Variants in CSRNP3 observed in about 807,000 individuals in gnomAD.
The protein encoded by CSRNP3 is cysteine and serine rich nuclear protein 3.
In CSRNP3, 12 loss-of-function variants were observed where a neutral mutation model predicts 48.0. The ratio of observed to expected loss-of-function variants is 0.25; its 90% CI spans 0.16 to 0.41. CSRNP3 has a LOEUF of 0.41. CSRNP3 is among the 10% of genes least tolerant of loss of function. The probability of loss-of-function intolerance (pLI) is 1.00; values close to 1 mark genes in which losing one functional copy is unlikely to be tolerated. For synonymous variants in CSRNP3, 263 were observed against 269.7 expected (o/e 0.98, Z 0.24); for missense variants, 580 against 724.4 (o/e 0.80, Z 2.29).
In CSRNP3 at chr2:165,681,355, A is replaced by G. The variant is rs1160106158; in HGVS notation, c.*1602A>G. 1 of 151,912 alleles carries G rather than the reference A, an allele frequency of 6.6e-6. No homozygotes were observed. Among genetic ancestry groups the G allele is most frequent in the Admixed American group, 6.6e-5 (1 of 15,234 alleles). 9.4% of individuals were successfully genotyped at this position (151,912 alleles called of 1,614,324 possible). A position where few individuals can be genotyped will look rare whatever the true frequency, so the allele number is the denominator to read the frequency against. ...GTGACTGCATCGCTACTTATTTTTT[A>G]TGTCTTTTAGACTTGGGTGTTTAGA... On this transcript the variant is annotated 3_prime_UTR_variant, in exon 7 of 7. Transcript: ENST00000651982.
rs957235965 is a variant in CSRNP3 at position 165,615,888 on chromosome 2, G to GTT, written c.148+20699_148+20700dup. On this transcript the variant is annotated intron_variant, in intron 4 of 6. Transcript: ENST00000651982. Reference sequence around the variant, plus strand: ...ACCATATCTGGCTAATGTTTGTGGGGTTTTTTTTTTTTTTTTTTTTTTTTT... The same window carrying GTT: ...ACCATATCTGGCTAATGTTTGTGGGGTTTTTTTTTTTTTTTTTTTTTTTTTTT... Among the ~76,000 whole-genome samples the GTT allele has an allele frequency of 5.1e-3, 302 of 59,272 alleles. 3 individuals carry two copies. The highest frequency in any genetic ancestry group is 0.011 in the African/African-American group (185 of 17,046). The allele number at this position is 59,272 out of a possible 152,430, so 38.9% of individuals were successfully genotyped here.
chr2:165,595,246 T>C, intron 4 of CSRNP3, 33 bp downstream of exon 4: 6 of 1,576,928 alleles, frequency 3.8e-6, no homozygotes, highest in East Asian at 2.3e-5. Context: ...AAGTCAATTG[T>C]CTGGTTCTAC....
In CSRNP3 at chr2:165,499,247, C is replaced by T. The variant is rs116497374; in HGVS notation, c.-113+4319C>T. Among the ~76,000 whole-genome samples, 1,396 of 152,238 alleles carry T rather than the reference C, an allele frequency of 9.2e-3. 22 individuals carry two copies. The highest frequency in any genetic ancestry group is 0.032 in the African/African-American group (1,330 of 41,540). ...CTTGCTTTATACTTGCTGTTTATGA[C>T]GGTGATGATGAAATCTGCGCCTGAA... On this transcript the variant is annotated intron_variant, in intron 2 of 6. Transcript: ENST00000651982.
chr2:165,679,894 TC>T lies in CSRNP3; in HGVS notation c.*143del. On this transcript the variant is annotated 3_prime_UTR_variant, in exon 7 of 7. Coordinates refer to ENST00000651982, the MANE Select transcript of CSRNP3 (RefSeq NM_001172173.2). Reference sequence around the variant, plus strand: ...ATCTTCCAGACTGTATTTTGTTTTTTCCTTTCTAGCCACATGACTGTGGCAT... The same window carrying T: ...ATCTTCCAGACTGTATTTTGTTTTTTCTTTCTAGCCACATGACTGTGGCAT... 8.3e-7 allele frequency: 1 copy of T among 1,206,724 alleles called. No homozygotes were observed. Among genetic ancestry groups the T allele is most frequent in the Non-Finnish European group, 1.2e-6 (1 of 868,622 alleles). The allele number at this position is 1,206,724 out of a possible 1,614,324, so 74.8% of individuals were successfully genotyped here.
At chr2:165,505,462 A>C (rs1310219984) in intron 2 of CSRNP3, among the ~76,000 whole-genome samples, 1 of 152,142 alleles carries the variant, frequency 6.6e-6, no homozygotes, top group African/African-American at 2.4e-5. Context: ...TCAATTATTG[A>C]AGTAGGATAA....
At chr2:165,494,452 TA>T (rs1684259695) in intron 1 of CSRNP3, among the ~76,000 whole-genome samples, 1 of 152,250 alleles carries the variant, frequency 6.6e-6, no homozygotes, top group Admixed American at 6.5e-5. Context: ...ACAAATCAAA[TA>T]AGTGCATTTG....
chr2:165,538,753 A>G (rs1448362058), intron 3 of CSRNP3, among the ~76,000 whole-genome samples: 1 of 151,804 alleles, frequency 6.6e-6, no homozygotes, highest in African/African-American at 2.4e-5. Context: ...TAATGAAATT[A>G]TTTATCTTTG....
At chr2:165,535,185 T>A (rs917428381) in intron 3 of CSRNP3, among the ~76,000 whole-genome samples, 3 of 151,854 alleles carry the variant, frequency 2.0e-5, no homozygotes, top group African/African-American at 7.2e-5. Flanking sequence ...ATATGACTCA[T>A]CCTTAGGAGG....
rs931446495 is a variant in CSRNP3 at position 165,686,467 on chromosome 2, A to G, written c.*6714A>G. The G allele has an allele frequency of 3.9e-5, 6 of 152,038 alleles. No individual in the cohort carries two copies. Among genetic ancestry groups the G allele is most frequent in the Admixed American group, 3.3e-4 (5 of 15,218 alleles). 9.4% of individuals were successfully genotyped at this position (152,038 alleles called of 1,614,324 possible). On this transcript the variant is annotated 3_prime_UTR_variant, in exon 7 of 7. Coordinates refer to ENST00000651982, the MANE Select transcript of CSRNP3 (RefSeq NM_001172173.2). ...AGCCACCCCTCTTTAAAACAAATTTAAAGATCTATATACATTTTTGCAACT... is the reference window on the plus strand; with the variant it reads ...AGCCACCCCTCTTTAAAACAAATTTGAAGATCTATATACATTTTTGCAACT...
At chr2:165,669,523 A>G (rs1162671274) in intron 5 of CSRNP3, among the ~76,000 whole-genome samples, 1 of 152,178 alleles carries the variant, frequency 6.6e-6, no homozygotes, top group African/African-American at 2.4e-5. Context: ...TTTGGCTCAA[A>G]GCTGTCTGGG....
chr2:165,651,657 C>CTTTTTT, intron 4 of CSRNP3, among the ~76,000 whole-genome samples: 1 of 132,218 alleles, frequency 7.6e-6, no homozygotes, highest in African/African-American at 2.8e-5. Context: ...ATTTTGAAAG[C>CTTTTTT]TTTTTTTTTT....
chr2:165,665,940 GAA>G (rs1687179488), intron 5 of CSRNP3, among the ~76,000 whole-genome samples: 1 of 127,608 alleles, frequency 7.8e-6, no homozygotes, highest in Non-Finnish European at 1.8e-5. Context: ...AAAGAGAGAG[GAA>G]GGAAGGAAGG....
chr2:165,561,044 A>G (rs1685227557), intron 3 of CSRNP3, among the ~76,000 whole-genome samples: 1 of 152,338 alleles, frequency 6.6e-6, no homozygotes. Context: ...TCTTACATAC[A>G]AAAGGAAGTA....
In CSRNP3 at chr2:165,477,504, A is replaced by AATATAT. The variant is rs35294627; in HGVS notation, c.-283+7775_-283+7780dup. The stretch of plus-strand genomic sequence containing the variant: ...ATGAAATATATATATATATAATACA[A>AATATAT]ATATATATATATATATTAGCCAGGT... On this transcript the variant is annotated intron_variant, in intron 1 of 6. Coordinates refer to ENST00000651982, the MANE Select transcript of CSRNP3 (RefSeq NM_001172173.2). Among the ~76,000 whole-genome samples the AATATAT allele has an allele frequency of 6.9e-3, 906 of 132,172 alleles. 26 individuals carry two copies. The highest frequency in any genetic ancestry group is 0.056 in the East Asian group (271 of 4,806). The allele number at this position is 132,172 out of a possible 152,430, so 86.7% of individuals were successfully genotyped here.
At chr2:165,595,887 C>T (rs1268124773) in intron 4 of CSRNP3, among the ~76,000 whole-genome samples, 1 of 152,210 alleles carries the variant, frequency 6.6e-6, no homozygotes, top group African/African-American at 2.4e-5. Flanking sequence ...ACCCCCTCCT[C>T]CCAAGTTCAA....
chr2:165,487,804 A>G (rs1325729710), intron 1 of CSRNP3, among the ~76,000 whole-genome samples: 2 of 150,726 alleles, frequency 1.3e-5, no homozygotes, highest in Non-Finnish European at 2.9e-5. Context: ...AGTGCTAAAC[A>G]TGGAAAGGAA....
At chr2:165,593,857 A>G (rs1350600483) in intron 3 of CSRNP3, among the ~76,000 whole-genome samples, 1 of 152,208 alleles carries the variant, frequency 6.6e-6, no homozygotes, top group Non-Finnish European at 1.5e-5. Context: ...AAAATCTGAA[A>G]TCTAAAATGT....
intron 4 of CSRNP3, among the ~76,000 whole-genome samples, chr2:165,606,098 T>G: frequency 6.6e-6 from 1 of 151,696 alleles, no homozygotes; most frequent in East Asian, 1.9e-4. Flanking sequence ...CCCAATGAAC[T>G]AAAAATCTAA....
intron 3 of CSRNP3, among the ~76,000 whole-genome samples, chr2:165,592,069 C>G (rs1258892553): frequency 6.6e-6 from 1 of 152,226 alleles, no homozygotes; most frequent in African/African-American, 2.4e-5. Flanking sequence ...CCCTGCAAAG[C>G]CACAGGGGCA....
Sources: allele counts gnomAD v4.1 joint callset (sites outside exome capture counted in the v4.1 genomes callset), GRCh38; gene constraint gnomAD v4.1.1; transcripts MANE v1.5; gene names NCBI Gene and HGNC (gene_info 2026-07-23, HGNC 2026-07-21).